Variants in SPAG16 observed in about 807,000 individuals in gnomAD.
The protein encoded by SPAG16 is sperm associated antigen 16, also known as sperm-associated antigen 16 protein.
In SPAG16, 86 loss-of-function variants were observed where a neutral mutation model predicts 80.4. The ratio of observed to expected loss-of-function variants is 1.07; its 90% CI spans 0.90 to 1.28. The LOEUF is 1.28. Among genes scored for constraint, SPAG16 ranks in the 50% most tolerant of loss-of-function variants. The pLI, the probability that SPAG16 is intolerant of heterozygous loss-of-function variation, is 0.00. For synonymous variants in SPAG16, 294 were observed against 265.9 expected (o/e 1.11, Z -1.03); for missense variants, 870 against 765.3 (o/e 1.14, Z -1.61).
chr2:214,387,976 C>G (rs1700856669), intron 15 of SPAG16, among the ~76,000 whole-genome samples: 1 of 151,352 alleles, frequency 6.6e-6, no homozygotes, highest in Non-Finnish European at 1.5e-5. Flanking sequence ...TTACATTTCT[C>G]TCCAAGTGAT....
At chr2:214,280,391 A>T (rs536710424) in intron 15 of SPAG16, among the ~76,000 whole-genome samples, 15 of 152,358 alleles carry the variant, frequency 9.8e-5, no homozygotes, top group Non-Finnish European at 2.9e-5. Flanking sequence ...TCGTATGGAA[A>T]TAAAAAAATA....
chr2:214,345,208 G>T (rs953045343), intron 15 of SPAG16, among the ~76,000 whole-genome samples: 7 of 152,080 alleles, frequency 4.6e-5, no homozygotes, highest in Non-Finnish European at 1.0e-4. Flanking sequence ...TCACTCCACA[G>T]TTGGATTTTG....
chr2:213,318,544 C>T (rs1250882915), intron 5 of SPAG16, among the ~76,000 whole-genome samples: 1 of 151,882 alleles, frequency 6.6e-6, no homozygotes, highest in Non-Finnish European at 1.5e-5. Flanking sequence ...AAAATGTCCA[C>T]TACTTGGGTG....
chr2:213,753,718 A>G (rs2068189554), intron 10 of SPAG16, among the ~76,000 whole-genome samples: 1 of 152,192 alleles, frequency 6.6e-6, no homozygotes, highest in East Asian at 1.9e-4. Context: ...TGGATGTAAT[A>G]TGGCAGCAGG....
intron 15 of SPAG16, among the ~76,000 whole-genome samples, chr2:214,357,135 G>A (rs947949433): frequency 4.6e-5 from 7 of 151,824 alleles, no homozygotes; most frequent in Admixed American, 4.6e-4. Context: ...AATGGTCCCT[G>A]TCATTTCTTT....
At chr2:214,056,115 C>G (rs1249683530) in intron 13 of SPAG16, among the ~76,000 whole-genome samples, 2 of 152,022 alleles carry the variant, frequency 1.3e-5, no homozygotes, top group Admixed American at 1.3e-4. Flanking sequence ...GAAGCTTTGA[C>G]CCTTAATACC....
intron 15 of SPAG16, among the ~76,000 whole-genome samples, chr2:214,195,669 T>C (rs2057815302): frequency 6.6e-6 from 1 of 151,850 alleles, no homozygotes; most frequent in Non-Finnish European, 1.5e-5. Flanking sequence ...GTGTCTGAGG[T>C]CATTACTGAG....
chr2:214,198,468 G>A lies in SPAG16; in HGVS notation c.1720+49202G>A, dbSNP rs150045127. On this transcript the variant is annotated intron_variant, in intron 15 of 15. Transcript: ENST00000331683. ...TTTTTGGTTGAGTAGTATTCTTGGT[G>A]TAAATATACCACATTTGTTCATTAA... Among the ~76,000 whole-genome samples, 225 of 152,166 alleles carry A rather than the reference G, an allele frequency of 1.5e-3. 2 individuals carry two copies. The highest frequency in any genetic ancestry group is 5.0e-3 in the African/African-American group (209 of 41,538).
intron 9 of SPAG16, among the ~76,000 whole-genome samples, chr2:213,432,873 T>A (rs980666201): frequency 6.6e-6 from 1 of 152,086 alleles, no homozygotes; most frequent in Admixed American, 6.6e-5. Flanking sequence ...GCTAATCATA[T>A]CCAAGAGCAC....
intron 14 of SPAG16, among the ~76,000 whole-genome samples, chr2:214,136,826 G>C (rs763014117): frequency 4.6e-5 from 7 of 152,136 alleles, no homozygotes; most frequent in Non-Finnish European, 8.8e-5. Flanking sequence ...TAATGTATCA[G>C]TACTAAAAAT....
chr2:213,774,918 G>T (rs2069477918), intron 10 of SPAG16, among the ~76,000 whole-genome samples: 2 of 152,102 alleles, frequency 1.3e-5, no homozygotes, highest in Admixed American at 1.3e-4. Flanking sequence ...CATGCTGGAG[G>T]GTTTTCTCAT....
intron 11 of SPAG16, among the ~76,000 whole-genome samples, chr2:213,869,264 A>AAAAAAATAT (rs552335638): frequency 3.1e-5 from 2 of 63,590 alleles, no homozygotes; most frequent in Non-Finnish European, 3.7e-5. Context: ...AAAAAAAAAA[A>AAAAAAATAT]ATATATATAT....
At chr2:213,696,929 A>C (rs1001225767) in intron 10 of SPAG16, among the ~76,000 whole-genome samples, 2 of 152,184 alleles carry the variant, frequency 1.3e-5, no homozygotes, top group African/African-American at 4.8e-5. Context: ...TAAAGTGGGA[A>C]GATTCTAGAA....
chr2:213,431,892 T>A (rs1218883337), intron 9 of SPAG16, among the ~76,000 whole-genome samples: 23 of 151,784 alleles, frequency 1.5e-4, no homozygotes, highest in Non-Finnish European at 2.2e-4. Flanking sequence ...AGTAACTTTA[T>A]CAAGTGTCTT....
intron 10 of SPAG16, among the ~76,000 whole-genome samples, chr2:213,824,421 G>A (rs932851916): frequency 2.6e-5 from 4 of 152,070 alleles, no homozygotes; most frequent in African/African-American, 9.7e-5. Flanking sequence ...TTTTATTTAT[G>A]GCAAGAGATA....
intron 10 of SPAG16, among the ~76,000 whole-genome samples, chr2:213,618,985 A>T (rs372403805): frequency 6.7e-6 from 1 of 148,298 alleles, no homozygotes; most frequent in East Asian, 1.9e-4. Flanking sequence ...TAAACATTTT[A>T]TTTTAAAACA....
chr2:214,289,327 A>G (rs1311875506), intron 15 of SPAG16, among the ~76,000 whole-genome samples: 1 of 152,096 alleles, frequency 6.6e-6, no homozygotes, highest in African/African-American at 2.4e-5. Flanking sequence ...GATGTCTTGA[A>G]GTGTATTTTC....
chr2:213,924,970 CT>C (rs1175228343), intron 11 of SPAG16, among the ~76,000 whole-genome samples: 2 of 151,756 alleles, frequency 1.3e-5, no homozygotes, highest in East Asian at 1.9e-4. Context: ...TTACCCATTT[CT>C]TTTTTTCTTA....
intron 9 of SPAG16, among the ~76,000 whole-genome samples, chr2:213,394,119 A>T (rs1220798167): frequency 6.6e-6 from 1 of 152,076 alleles, no homozygotes; most frequent in Non-Finnish European, 1.5e-5. Flanking sequence ...GATAGCACTT[A>T]CTGTCATTTG....
Sources: allele counts gnomAD v4.1 joint callset (sites outside exome capture counted in the v4.1 genomes callset), GRCh38; gene constraint gnomAD v4.1.1; transcripts MANE v1.5; gene names NCBI Gene and HGNC (gene_info 2026-07-23, HGNC 2026-07-21).